The following GSG1L variants were observed in gnomAD, a reference collection of about 807,000 sequenced individuals.
GSG1L encodes germ cell-specific gene 1-like protein.
In GSG1L, 24 loss-of-function variants were observed where a neutral mutation model predicts 42.1. The observed-to-expected ratio is 0.57, with a 90% CI of 0.41 to 0.80. The LOEUF (loss-of-function observed/expected upper bound fraction) is 0.80, where lower values mean the gene tolerates loss of function less well. GSG1L is among the 30% of genes least tolerant of loss of function. The pLI is 0.00. For missense variants in GSG1L, 445 were observed against 472.2 expected, an observed-to-expected ratio of 0.94 and a Z score of 0.53; for synonymous variants, 215 against 203.5, an observed-to-expected ratio of 1.06 and a Z score of -0.48.
At chr16:27,980,056 A>C (rs1429431767) in intron 1 of GSG1L, among the ~76,000 whole-genome samples, 2 of 152,170 alleles carry the variant, frequency 1.3e-5, no homozygotes, top group Non-Finnish European at 2.9e-5. Context: ...TTCCCAAGCC[A>C]GAAGCAGGAG....
chr16:27,922,834 G>A (rs368827922), intron 2 of GSG1L, among the ~76,000 whole-genome samples: 4 of 152,036 alleles, frequency 2.6e-5, no homozygotes, highest in East Asian at 1.9e-4. Flanking sequence ...CCCGGGCTGT[G>A]GTGCAGTGGT....
chr16:27,920,936 T>A (rs574849486), intron 2 of GSG1L, among the ~76,000 whole-genome samples: 1 of 152,260 alleles, frequency 6.6e-6, no homozygotes, highest in Admixed American at 6.5e-5. Context: ...TGGAAGCAGG[T>A]GATTTCTAGC....
intron 1 of GSG1L, among the ~76,000 whole-genome samples, chr16:28,062,869 G>A (rs1169441285): frequency 1.3e-5 from 2 of 152,110 alleles, no homozygotes; most frequent in Non-Finnish European, 2.9e-5. Flanking sequence ...TCCACGGCGG[G>A]GCGTCCCGCA....
At chr16:27,857,874 TCTC>T (rs1045793978) in intron 3 of GSG1L, among the ~76,000 whole-genome samples, 1 of 148,102 alleles carries the variant, frequency 6.8e-6, no homozygotes, top group Non-Finnish European at 1.5e-5. Flanking sequence ...GGCCTCCCCC[TCTC>T]CTCCTGTTTT....
intron 1 of GSG1L, among the ~76,000 whole-genome samples, chr16:27,968,144 C>T (rs1337591879): frequency 6.6e-6 from 1 of 152,016 alleles, no homozygotes; most frequent in Admixed American, 6.6e-5. Context: ...TATTTTACAA[C>T]CACATTGGCA....
At chr16:27,997,051 C>T (rs187612801) in intron 1 of GSG1L, among the ~76,000 whole-genome samples, 4 of 152,230 alleles carry the variant, frequency 2.6e-5, no homozygotes, top group Admixed American at 1.3e-4. Flanking sequence ...CATGAGCCAC[C>T]GCGCCTGGCC....
intron 2 of GSG1L, among the ~76,000 whole-genome samples, chr16:27,947,553 GAAAGA>G (rs755921085): frequency 1.4e-5 from 1 of 69,166 alleles, no homozygotes; most frequent in Non-Finnish European, 3.2e-5. Flanking sequence ...AAGAAAGAAA[GAAAGA>G]AAGAAAGAAA....
chr16:28,000,393 G>A (rs2085568352), intron 1 of GSG1L, among the ~76,000 whole-genome samples: 1 of 152,316 alleles, frequency 6.6e-6, no homozygotes, highest in South Asian at 2.1e-4. Context: ...TGGCGAGAAG[G>A]ACTCCACCCT....
intron 3 of GSG1L, among the ~76,000 whole-genome samples, chr16:27,863,797 T>A (rs2083683176): frequency 6.6e-6 from 1 of 152,218 alleles, no homozygotes; most frequent in African/African-American, 2.4e-5. Flanking sequence ...CTGGCTGAGC[T>A]CCTCCTACCT....
At chr16:27,937,731 A>C (rs536465152) in intron 2 of GSG1L, among the ~76,000 whole-genome samples, 1 of 152,288 alleles carries the variant, frequency 6.6e-6, no homozygotes, top group East Asian at 1.9e-4. Context: ...AATTGGCTTC[A>C]AGGACCACAT....
intron 6 of GSG1L, among the ~76,000 whole-genome samples, chr16:27,803,387 G>C (rs1230395528): frequency 1.3e-5 from 2 of 152,094 alleles, no homozygotes; most frequent in African/African-American, 4.8e-5. Context: ...GGATGGCTCA[G>C]ATACATATGC....
chr16:27,913,759 C>T (rs1228535252), intron 2 of GSG1L, among the ~76,000 whole-genome samples: 1 of 152,202 alleles, frequency 6.6e-6, no homozygotes, highest in Non-Finnish European at 1.5e-5. Context: ...CAGATATTTA[C>T]TTTCTGGTCC....
At chr16:28,055,118 G>A (rs1168837599) in intron 1 of GSG1L, among the ~76,000 whole-genome samples, 1 of 152,090 alleles carries the variant, frequency 6.6e-6, no homozygotes, top group Non-Finnish European at 1.5e-5. Flanking sequence ...GCCTCTGAGG[G>A]GTGGTGATTT....
rs1322726523 is a variant in GSG1L at position 28,059,063 on chromosome 16, A to C, written c.349+4013T>G. Among the ~76,000 whole-genome samples, 1 of 152,192 alleles carries C rather than the reference A, an allele frequency of 6.6e-6. No homozygotes were observed. Among genetic ancestry groups the C allele is most frequent in the Non-Finnish European group, 1.5e-5 (1 of 68,024 alleles). On this transcript the variant is annotated intron_variant, in intron 1 of 6. Transcript: ENST00000447459. The surrounding 1 kb of genome is among the most constrained non-coding windows in gnomAD (Gnocchi z 4.4). ...CGGGTGGCTGTGGGTGGCTCAGCCC[A>C]GGGTGGCGGCAACACCGAGGTGGTG...
intron 4 of GSG1L, among the ~76,000 whole-genome samples, chr16:27,843,117 A>G (rs1761421207): frequency 1.3e-5 from 2 of 152,202 alleles, no homozygotes; most frequent in Admixed American, 1.3e-4. Context: ...GCTGTCCTAG[A>G]GGAAGTACTC....
In GSG1L at chr16:27,888,604, T is replaced by C. The variant is rs57655633; in HGVS notation, c.398-3966A>G. Among the ~76,000 whole-genome samples, 133 of 148,250 alleles carry C rather than the reference T, an allele frequency of 9.0e-4. 2 individuals carry two copies. Among genetic ancestry groups the C allele is most frequent in the African/African-American group, 3.1e-3 (125 of 39,844 alleles). On this transcript the variant is annotated intron_variant, in intron 2 of 6. Coordinates refer to ENST00000447459, the MANE Select transcript of GSG1L (RefSeq NM_001109763.2). ...CTTTCTCCGTCTCTCTCTGTCTCTCTCTCTCCCCGCCCCCCTTTCTTTTCT... is the reference window on the plus strand; with the variant it reads ...CTTTCTCCGTCTCTCTCTGTCTCTCCCTCTCCCCGCCCCCCTTTCTTTTCT...
intron 2 of GSG1L, among the ~76,000 whole-genome samples, chr16:27,909,945 T>A (rs1373674039): frequency 6.7e-6 from 1 of 148,630 alleles, no homozygotes; most frequent in Non-Finnish European, 1.5e-5. Flanking sequence ...ATGATGTGCA[T>A]CTTTTCTTTC....
chr16:27,876,641 C>T (rs72782171), intron 3 of GSG1L, among the ~76,000 whole-genome samples: 3,414 of 152,230 alleles, frequency 0.022, 67 homozygotes, highest in Non-Finnish European at 0.034. Flanking sequence ...CAACCTAGTT[C>T]CCGAGGATGT....
chr16:27,935,610 A>G (rs2084707104), intron 2 of GSG1L, among the ~76,000 whole-genome samples: 1 of 151,916 alleles, frequency 6.6e-6, no homozygotes, highest in South Asian at 2.1e-4. Context: ...GCTGTGAATC[A>G]GTTTTTGGAG....
Sources: gnomAD v4.1 joint callset for allele counts (sites outside exome capture counted in the v4.1 genomes callset) on GRCh38, gnomAD v4.1.1 for gene constraint, Gnocchi (gnomAD v3.1) non-coding constraint, MANE v1.5 for transcripts, NCBI Gene and HGNC (gene_info 2026-07-23, HGNC 2026-07-21) for gene names.